Variants in CDKL5 observed in about 807,000 individuals in gnomAD.
The protein encoded by CDKL5 is cyclin-dependent kinase-like 5.
CDKL5 carries 8 observed loss-of-function variants against 61.7 expected under a neutral mutation model. The observed-to-expected ratio is 0.13, with a 90% CI of 0.08 to 0.23. CDKL5 has a LOEUF of 0.23. Among genes scored for constraint, CDKL5 ranks in the 10% least tolerant of loss-of-function variants. CDKL5 has a pLI of 1.00. For synonymous variants in CDKL5, 275 were observed against 272.3 expected, an observed-to-expected ratio of 1.01 and a Z score of -0.10; for missense variants, 440 against 734.5, an observed-to-expected ratio of 0.60 and a Z score of 4.63.
intron 21 of CDKL5, among the ~76,000 whole-genome samples, chrX:18,650,956 C>T (rs757199144): frequency 3.6e-5 from 4 of 112,026 alleles, no homozygotes; most frequent in Admixed American, 1.9e-4. Context: ...TAGAGCACAG[C>T]GTCTTGCCAA....
chrX:18,429,706 G>T (rs1419278329), intron 1 of CDKL5, among the ~76,000 whole-genome samples: 1 of 112,080 alleles, frequency 8.9e-6, no homozygotes, highest in African/African-American at 3.2e-5. Context: ...TGTGATCACA[G>T]CTTGCTGCAC....
At position 18,647,356 on chromosome X, in the gene CDKL5, A is replaced by G. The variant is rs1602312888; in HGVS notation, c.2797+1266A>G. 1.2e-5 allele frequency: 15 copies of G among 1,203,799 alleles called. No individual in the cohort carries two copies. In the East Asian group the frequency reaches 4.4e-4, roughly 36 times the overall value. On this transcript the variant is annotated intron_variant, in intron 20 of 21. Coordinates refer to the CDKL5 transcript ENST00000379989. The stretch of plus-strand genomic sequence containing the variant: ...TTCTGGGAAAGGAAAAAGAATTCAC[A>G]TTCACACATATCTCAATACTCAACA...
At chrX:18,467,775 G>A (rs1201973168) in intron 1 of CDKL5, among the ~76,000 whole-genome samples, 4 of 112,123 alleles carry the variant, frequency 3.6e-5, no homozygotes, top group Non-Finnish European at 7.5e-5. Flanking sequence ...GTTACAATGA[G>A]CAAGGGCTCT....
At chrX:18,479,173 T>C (rs1921446787) in intron 1 of CDKL5, among the ~76,000 whole-genome samples, 1 of 111,688 alleles carries the variant, frequency 9.0e-6, no homozygotes, top group Non-Finnish European at 1.9e-5. Flanking sequence ...CTTTCAAGAC[T>C]TTCTATGCCT....
chrX:18,561,579 T>G (rs191215646), intron 3 of CDKL5, among the ~76,000 whole-genome samples: 1 of 111,195 alleles, frequency 9.0e-6, no homozygotes, highest in Non-Finnish European at 1.9e-5. Context: ...TAAAACAGTT[T>G]AAGGTCACAA....
chrX:18,643,829 A>T (rs1410243204), downstream of CDKL5, among the ~76,000 whole-genome samples: 1 of 105,895 alleles, frequency 9.4e-6, no homozygotes, highest in South Asian at 4.1e-4. Flanking sequence ...ATTCATAGCA[A>T]ATATATATAT....
At chrX:18,595,758 C>T (rs1274512550) in intron 10 of CDKL5, among the ~76,000 whole-genome samples, 2 of 111,938 alleles carry the variant, frequency 1.8e-5, no homozygotes, top group Non-Finnish European at 3.8e-5. Flanking sequence ...AGAAGAAATT[C>T]AACAATTTTT....
chrX:18,455,484 A>G (rs1932120803), intron 1 of CDKL5, among the ~76,000 whole-genome samples: 1 of 112,542 alleles, frequency 8.9e-6, no homozygotes, highest in South Asian at 3.6e-4. Flanking sequence ...TAGATAGTTA[A>G]CCATTAGCCA....
Position 18,639,860 on chromosome X carries a change from G to A in CDKL5, c.*11103G>A, listed in dbSNP as rs753645965. 7.1e-5 allele frequency: 8 copies of A among 112,007 alleles called. No homozygotes were observed. In the East Asian group the frequency reaches 2.2e-3, roughly 31 times the overall value. The allele number at this position is 112,007 out of a possible 1,213,427, so 9.2% of individuals were successfully genotyped here. On this transcript the variant is annotated 3_prime_UTR_variant, in exon 18 of 18. Coordinates refer to ENST00000623535, the MANE Select transcript of CDKL5 (RefSeq NM_001323289.2). ...GACATAGTGATACACATGTTATAACGTGGATGAACTTTAAAACACTATGCT... is the reference window on the plus strand; with the variant it reads ...GACATAGTGATACACATGTTATAACATGGATGAACTTTAAAACACTATGCT...
chrX:18,575,747 A>G (rs930860586), intron 5 of CDKL5, among the ~76,000 whole-genome samples: 7 of 112,378 alleles, frequency 6.2e-5, no homozygotes, highest in East Asian at 2.8e-4. Flanking sequence ...CTTAAACTCT[A>G]TGTTCAACAA....
At position 18,431,933 on chromosome X, in the gene CDKL5, G is replaced by A. The variant is rs544055688; in HGVS notation, c.-163+6238G>A. Among the ~76,000 whole-genome samples, 49 of 107,079 alleles carry A rather than the reference G, an allele frequency of 4.6e-4. No homozygotes were observed. The South Asian group carries it at 8.6e-3, about 19-fold the overall frequency. The allele number at this position is 107,079 out of a possible 115,157, so 93.0% of individuals were successfully genotyped here. ...CTAGACCTCTCCTTTTTTTGAGACA[G>A]GGTCTCACTCTGTTGCCTAGGCTGG... On this transcript the variant is annotated intron_variant, in intron 1 of 17. Coordinates refer to ENST00000623535, the MANE Select transcript of CDKL5 (RefSeq NM_001323289.2).
intron 1 of CDKL5, among the ~76,000 whole-genome samples, chrX:18,433,473 C>T (rs1482625997): frequency 1.8e-5 from 2 of 111,447 alleles, no homozygotes; most frequent in South Asian, 3.7e-4. Context: ...TTGCTTAAAC[C>T]GGGGAGGTGG....
intron 16 of CDKL5, among the ~76,000 whole-genome samples, chrX:18,624,532 G>T (rs1926979150): frequency 8.9e-6 from 1 of 112,021 alleles, no homozygotes; most frequent in Non-Finnish European, 1.9e-5. Flanking sequence ...ACCAAAACTG[G>T]TGAATAGAGC....
chrX:18,438,300 A>C (rs990688304), intron 1 of CDKL5, among the ~76,000 whole-genome samples: 3 of 108,462 alleles, frequency 2.8e-5, no homozygotes, highest in Non-Finnish European at 5.7e-5. Context: ...TCCTGACCTC[A>C]TGATCTGCCT....
At chrX:18,452,067 G>A (rs1057071204) in intron 1 of CDKL5, among the ~76,000 whole-genome samples, 1 of 111,686 alleles carries the variant, frequency 9.0e-6, no homozygotes, top group African/African-American at 3.3e-5. Flanking sequence ...CCAAGTTTGG[G>A]GCTAGGGTAA....
intron 16 of CDKL5, 45 bp from the exon 17 acceptor site, chrX:18,625,083 G>T (rs1397084364): frequency 8.5e-7 from 1 of 1,180,217 alleles, no homozygotes; most frequent in Middle Eastern, 2.3e-4. Context: ...TCTTAATTAG[G>T]CTTCTCAGTG....
chrX:18,559,903 G>T (rs1367674392), intron 3 of CDKL5, among the ~76,000 whole-genome samples: 1 of 105,945 alleles, frequency 9.4e-6, no homozygotes, highest in African/African-American at 3.5e-5. Context: ...TTGTTCTTGC[G>T]ATAGTTTGCT....
chrX:18,597,746 G>A (rs1926048790), intron 10 of CDKL5, among the ~76,000 whole-genome samples: 1 of 108,733 alleles, frequency 9.2e-6, no homozygotes, highest in Non-Finnish European at 1.9e-5. Context: ...ACGGGCATGA[G>A]CCACCACGCC....
intron 8 of CDKL5, among the ~76,000 whole-genome samples, chrX:18,586,611 T>G (rs1288451995): frequency 1.8e-5 from 2 of 112,293 alleles, no homozygotes; most frequent in African/African-American, 6.5e-5. Flanking sequence ...AAGTACTAGT[T>G]GAAGAGCCAT....
Sources: gnomAD v4.1 joint callset for allele counts (sites outside exome capture counted in the v4.1 genomes callset) on GRCh38, gnomAD v4.1.1 for gene constraint, MANE v1.5 for transcripts, NCBI Gene and HGNC (gene_info 2026-07-23, HGNC 2026-07-21) for gene names.